The following PPP2R2B variants were observed in gnomAD, a reference collection of about 807,000 sequenced individuals.
The protein encoded by PPP2R2B is protein phosphatase 2 regulatory subunit Bbeta, also known as serine/threonine-protein phosphatase 2A 55 kDa regulatory subunit B beta isoform.
A neutral mutation model predicts 46.0 loss-of-function variants in PPP2R2B; 5 were observed. That is an observed-to-expected ratio of 0.11 (90% CI 0.06 to 0.23). The LOEUF (loss-of-function observed/expected upper bound fraction) is 0.23. PPP2R2B is among the 10% of genes least tolerant of loss of function. The pLI, the probability that PPP2R2B is intolerant of heterozygous loss-of-function variation, is 1.00. For synonymous variants in PPP2R2B, 215 were observed against 206.7 expected, an observed-to-expected ratio of 1.04 and a Z score of -0.34; for missense variants, 367 against 575.0, an observed-to-expected ratio of 0.64 and a Z score of 3.70.
intron 1 of PPP2R2B, among the ~76,000 whole-genome samples, chr5:146,953,471 C>T (rs915073857): frequency 1.3e-5 from 2 of 152,024 alleles, no homozygotes; most frequent in African/African-American, 4.8e-5. Context: ...TTATTTCAAA[C>T]GATGGGAACC....
rs573653748 is a variant in PPP2R2B, at chr5:146,969,165, G to A, written c.79+86500C>T. Among the ~76,000 whole-genome samples, 5 of 152,274 alleles carry A rather than the reference G, an allele frequency of 3.3e-5. No homozygotes were observed. The East Asian group carries it at 7.7e-4, about 24-fold the overall frequency. On this transcript the variant is annotated intron_variant, in intron 1 of 8. Coordinates refer to the PPP2R2B transcript ENST00000336640. ...AAGATGCCATCGGAGCATTTGGAAGGCAGATCCAGTCAAGAGTTGGGCTTG... is the reference window on the plus strand; with the variant it reads ...AAGATGCCATCGGAGCATTTGGAAGACAGATCCAGTCAAGAGTTGGGCTTG...
intron 2 of PPP2R2B, among the ~76,000 whole-genome samples, chr5:146,836,014 C>T (rs148527704): frequency 1.1e-4 from 17 of 152,182 alleles, no homozygotes; most frequent in African/African-American, 4.1e-4. Context: ...CACCACCAAC[C>T]GCATTGGGTT....
chr5:146,830,075 G>T (rs1010204258), intron 2 of PPP2R2B, among the ~76,000 whole-genome samples: 9 of 152,156 alleles, frequency 5.9e-5, no homozygotes, highest in African/African-American at 1.7e-4. Context: ...TACAGTCAAT[G>T]CTCAATAGAT....
intron 2 of PPP2R2B, among the ~76,000 whole-genome samples, chr5:146,873,213 A>G (rs1359996323): frequency 6.6e-6 from 1 of 152,188 alleles, no homozygotes; most frequent in African/African-American, 2.4e-5. Flanking sequence ...CATAGTAAGT[A>G]AGTGCAATGC....
At chr5:146,845,816 G>T (rs1759965562) in intron 2 of PPP2R2B, among the ~76,000 whole-genome samples, 2 of 152,116 alleles carry the variant, frequency 1.3e-5, no homozygotes, top group Admixed American at 1.3e-4. Context: ...AACTTGTTTT[G>T]AAAAAGAATT....
intron 2 of PPP2R2B, among the ~76,000 whole-genome samples, chr5:146,750,194 T>C (rs915656091): frequency 3.9e-5 from 6 of 152,242 alleles, no homozygotes; most frequent in Admixed American, 3.3e-4. Flanking sequence ...TCTTTCATAC[T>C]ATAGCCATAT....
At chr5:146,786,052 G>A (rs1345856040) in intron 2 of PPP2R2B, among the ~76,000 whole-genome samples, 3 of 151,884 alleles carry the variant, frequency 2.0e-5, no homozygotes, top group Admixed American at 2.0e-4. Flanking sequence ...TCAACATGAA[G>A]GAATAATAAA....
chr5:147,047,039 A>AT (rs1312491156), intron 1 of PPP2R2B, among the ~76,000 whole-genome samples: 1 of 152,132 alleles, frequency 6.6e-6, no homozygotes, highest in African/African-American at 2.4e-5. Flanking sequence ...TCTGAGGCAT[A>AT]GCAGGATTAG....
intron 1 of PPP2R2B, among the ~76,000 whole-genome samples, chr5:147,017,551 A>C (rs1755063255): frequency 6.6e-6 from 1 of 151,572 alleles, no homozygotes. Context: ...AAAGCAGAGG[A>C]GGAGGAGCCT....
At chr5:146,731,302 G>T (rs1019555488) in intron 2 of PPP2R2B, among the ~76,000 whole-genome samples, 1 of 152,214 alleles carries the variant, frequency 6.6e-6, no homozygotes, top group Non-Finnish European at 1.5e-5. Flanking sequence ...CTGTGGTACT[G>T]CTGGGTACCT....
At chr5:146,983,569 T>C (rs1753286632) in intron 1 of PPP2R2B, among the ~76,000 whole-genome samples, 1 of 152,162 alleles carries the variant, frequency 6.6e-6, no homozygotes, top group Admixed American at 6.5e-5. Flanking sequence ...CCTGGGGGCG[T>C]CATTTTCCCA....
At chr5:146,878,932 T>G (rs1423860211), upstream of PPP2R2B, 1 of 1,140,576 alleles carries the variant, frequency 8.8e-7, no homozygotes, top group East Asian at 4.8e-5. The surrounding 1 kb of genome is among the most constrained non-coding windows in gnomAD (Gnocchi z 4.5). Context: ...GCGACTAGCT[T>G]GCAGGTTCAG....
Position 146,589,986 on chromosome 5 carries a change from A to G in PPP2R2B, c.1293T>C (p.Ala431=), listed in dbSNP as rs1442756733. ...HPSENIIAVA[A]TNNLYIFQDK... is the part of the protein sequence containing the mutation. ...CCTGGAATATATATAGGTTATTTGT[A>G]GCCGCCACTGCTATAATATTTTCTG... Residue 431 remains alanine (A), a synonymous_variant, in exon 10 of 10, where the codon GCT becomes GCC. Transcript: ENST00000394411. 6.2e-7 allele frequency: 1 copy of G among 1,614,184 alleles called. No individual in the cohort carries two copies. The highest frequency in any genetic ancestry group is 8.5e-7 in the Non-Finnish European group (1 of 1,180,008).
intron 2 of PPP2R2B, among the ~76,000 whole-genome samples, chr5:146,869,421 A>C (rs536084830): frequency 1.3e-5 from 2 of 152,212 alleles, no homozygotes; most frequent in African/African-American, 4.8e-5. Flanking sequence ...AAACTGTGGT[A>C]CTGTCATACT....
intron 7 of PPP2R2B, among the ~76,000 whole-genome samples, chr5:146,634,159 A>G (rs1774627744): frequency 6.6e-6 from 1 of 152,158 alleles, no homozygotes; most frequent in Admixed American, 6.5e-5. Flanking sequence ...CCTATTGTCA[A>G]TGGGCCTCAT....
At chr5:146,908,966 C>A (rs761022350) in intron 1 of PPP2R2B, among the ~76,000 whole-genome samples, 3 of 152,048 alleles carry the variant, frequency 2.0e-5, no homozygotes, top group South Asian at 4.1e-4. Flanking sequence ...GAGCTCAGAT[C>A]GTGTTTTTCA....
chr5:146,640,578 ACTGTGC>A, intron 6 of PPP2R2B, among the ~76,000 whole-genome samples: 1 of 152,280 alleles, frequency 6.6e-6, no homozygotes, highest in African/African-American at 2.4e-5. Flanking sequence ...TTGATATCCC[ACTGTGC>A]CTGTGAACAT....
intron 7 of PPP2R2B, among the ~76,000 whole-genome samples, chr5:146,624,347 T>C (rs1398638622): frequency 6.6e-6 from 1 of 152,236 alleles, no homozygotes; most frequent in African/African-American, 2.4e-5. Context: ...GGCACCTTCA[T>C]CTAGGTGTGT....
At chr5:146,618,587 C>T (rs926968193) in intron 7 of PPP2R2B, among the ~76,000 whole-genome samples, 1 of 152,188 alleles carries the variant, frequency 6.6e-6, no homozygotes, top group African/African-American at 2.4e-5. Context: ...TCTGCAAAGC[C>T]GCTGTTATTA....
Sources: gnomAD v4.1 joint callset for allele counts (sites outside exome capture counted in the v4.1 genomes callset) on GRCh38, gnomAD v4.1.1 for gene constraint, Gnocchi (gnomAD v3.1) non-coding constraint, MANE v1.5 for transcripts, NCBI Gene and HGNC (gene_info 2026-07-23, HGNC 2026-07-21) for gene names.